UNC80: variants seen among roughly 807,000 people sequenced by gnomAD.
UNC80 encodes unc-80 subunit of NALCN channel complex, also known as protein unc-80 homolog.
UNC80 carries 164 observed loss-of-function variants against 384.6 expected under a neutral mutation model. The observed-to-expected ratio is 0.43, with a 90% CI of 0.38 to 0.49. The LOEUF (loss-of-function observed/expected upper bound fraction) is 0.49. UNC80 is among the 20% of genes least tolerant of loss of function. UNC80 has a pLI of 0.00. For missense variants in UNC80, 3,330 were observed against 4,143.0 expected, an observed-to-expected ratio of 0.80 and a Z score of 5.39; for synonymous variants, 1,486 against 1,527.8, an observed-to-expected ratio of 0.97 and a Z score of 0.64.
intron 22 of UNC80, among the ~76,000 whole-genome samples, chr2:209,854,202 T>C (rs1029033319): frequency 6.6e-6 from 1 of 151,618 alleles, no homozygotes; most frequent in African/African-American, 2.4e-5. Flanking sequence ...AAATATCTTA[T>C]GATTCTCGTT....
intron 15 of UNC80, 80 bp from the exon 16 acceptor site, chr2:209,831,363 G>T (rs1268959827): frequency 1.4e-6 from 2 of 1,392,000 alleles, no homozygotes; most frequent in African/African-American, 2.9e-5. Context: ...CTAATTCCTG[G>T]GTGCCAAGTA....
rs1349076349 is a variant in UNC80, at chr2:209,996,206, A to G, written c.*611A>G. ...TGGACTTTTAGATATTTATTTTTCA[A>G]CTATCATTTTCATTGCATGTTGTAA... On this transcript the variant is annotated 3_prime_UTR_variant, in exon 65 of 65. Coordinates refer to ENST00000673920, the MANE Select transcript of UNC80 (RefSeq NM_001371986.1). The G allele has an allele frequency of 1.3e-5, 2 of 152,282 alleles. No homozygotes were observed. The highest frequency in any genetic ancestry group is 2.4e-5 in the African/African-American group (1 of 41,458). 9.4% of individuals were successfully genotyped at this position (152,282 alleles called of 1,614,324 possible).
chr2:209,844,489 TTCCTTCCTTCCTTCC>T (rs1559186144), intron 21 of UNC80, among the ~76,000 whole-genome samples: 1,723 of 96,866 alleles, frequency 0.018, 105 homozygotes, highest in African/African-American at 0.067. Context: ...CCTTCCTTCC[TTCCTTCCTTCCTTCC>T]TTCCTTCCTT....
intron 4 of UNC80, among the ~76,000 whole-genome samples, chr2:209,780,917 C>G (rs2153824886): frequency 6.6e-6 from 1 of 152,310 alleles, no homozygotes; most frequent in South Asian, 2.1e-4. Context: ...TCTATCCCTA[C>G]CCAGAAATCT....
At chr2:209,944,469 T>C (rs1391055621) in intron 45 of UNC80, among the ~76,000 whole-genome samples, 2 of 152,184 alleles carry the variant, frequency 1.3e-5, no homozygotes, top group South Asian at 2.1e-4. Context: ...GTTTTAGTTA[T>C]TGTTGTATCG....
intron 7 of UNC80, among the ~76,000 whole-genome samples, chr2:209,799,369 C>G (rs1236754572): frequency 6.6e-6 from 1 of 152,132 alleles, no homozygotes; most frequent in Non-Finnish European, 1.5e-5. Context: ...ATTTGGCTCG[C>G]TGCTTACCTA....
intron 21 of UNC80, 61 bp downstream of exon 21, chr2:209,842,507 T>TC: frequency 1.7e-6 from 2 of 1,163,194 alleles, no homozygotes; most frequent in Non-Finnish European, 2.5e-6. Context: ...AAAAACTTGA[T>TC]TAGATTAAGT....
chr2:209,907,804 A>C (rs547383626), intron 29 of UNC80, among the ~76,000 whole-genome samples: 4 of 152,210 alleles, frequency 2.6e-5, no homozygotes, highest in Admixed American at 6.5e-5. Context: ...ATAGTAGAGC[A>C]GTTATTAATA....
intron 24 of UNC80, 29 bp downstream of exon 24, chr2:209,878,118 C>G (rs1440347894): frequency 6.7e-7 from 1 of 1,496,504 alleles, no homozygotes; most frequent in Non-Finnish European, 8.9e-7. Flanking sequence ...CTACAAGAAC[C>G]CCTGCTTGTA....
intron 22 of UNC80, among the ~76,000 whole-genome samples, chr2:209,867,898 T>G (rs984780471): frequency 6.6e-6 from 1 of 152,224 alleles, no homozygotes; most frequent in Admixed American, 6.5e-5. Context: ...CTAAATCAAA[T>G]GAATTCTTCA....
intron 40 of UNC80, 58 bp downstream of exon 40, chr2:209,935,866 G>A: frequency 2.0e-6 from 2 of 1,024,744 alleles, no homozygotes; most frequent in Non-Finnish European, 2.9e-6. Context: ...CCACCTCACT[G>A]AAGATCCATT....
intron 7 of UNC80, among the ~76,000 whole-genome samples, chr2:209,804,232 A>G (rs1166745807): frequency 6.6e-6 from 1 of 152,194 alleles, no homozygotes; most frequent in Non-Finnish European, 1.5e-5. Context: ...GGACATGTAT[A>G]ATCAAAGAGA....
In UNC80 at chr2:209,996,129, G is replaced by A. The variant is rs528793893; in HGVS notation, c.*534G>A. 2.0e-5 allele frequency: 3 copies of A among 152,912 alleles called. No individual in the cohort carries two copies. The South Asian group carries it at 6.2e-4, about 31-fold the overall frequency. The allele number at this position is 152,912 out of a possible 1,614,324, so 9.5% of individuals were successfully genotyped here. A position where few individuals can be genotyped will look rare whatever the true frequency, so the allele number is the denominator to read the frequency against. ...ACAAGCCTGCAGCCATTTTTGTTTTGAGTAACAATACAGCCATTTAGAAGA... is the reference window on the plus strand; with the variant it reads ...ACAAGCCTGCAGCCATTTTTGTTTTAAGTAACAATACAGCCATTTAGAAGA... On this transcript the variant is annotated 3_prime_UTR_variant, in exon 65 of 65. Coordinates refer to ENST00000673920, the MANE Select transcript of UNC80 (RefSeq NM_001371986.1).
chr2:209,871,345 A>G (rs1393919261), intron 22 of UNC80, among the ~76,000 whole-genome samples: 1 of 152,204 alleles, frequency 6.6e-6, no homozygotes, highest in Admixed American at 6.5e-5. Context: ...TTCATGCTAT[A>G]TGATAGTGAA....
At chr2:209,918,910 G>A (rs2089793837) in intron 33 of UNC80, among the ~76,000 whole-genome samples, 1 of 152,228 alleles carries the variant, frequency 6.6e-6, no homozygotes, top group Middle Eastern at 3.4e-3. Context: ...AAAAGCATTA[G>A]GCATTGATTT....
intron 7 of UNC80, among the ~76,000 whole-genome samples, chr2:209,807,795 A>G (rs1319335708): frequency 6.6e-6 from 1 of 152,254 alleles, no homozygotes; most frequent in African/African-American, 2.4e-5. Context: ...TGAAATAAAA[A>G]TATTTATTGA....
intron 48 of UNC80, among the ~76,000 whole-genome samples, chr2:209,955,856 G>A (rs2124997267): frequency 6.6e-6 from 1 of 150,940 alleles, no homozygotes; most frequent in Middle Eastern, 3.4e-3. Flanking sequence ...CAATTCTCAT[G>A]CCTCAGCCTC....
intron 46 of UNC80, 114 bp downstream of exon 46, chr2:209,945,303 T>A: frequency 9.0e-7 from 1 of 1,106,476 alleles, no homozygotes; most frequent in South Asian, 2.4e-5. Flanking sequence ...TATAACTAAA[T>A]CAAAGTAGCA....
At chr2:209,829,098 A>G in intron 14 of UNC80, 134 bp from the exon 15 acceptor site, 1 of 965,252 alleles carries the variant, frequency 1.0e-6, no homozygotes, top group Non-Finnish European at 1.5e-6. Flanking sequence ...AAGAGGGGCT[A>G]GCAGGGTTGC....
Sources: gnomAD v4.1 joint callset for allele counts (sites outside exome capture counted in the v4.1 genomes callset) on GRCh38, gnomAD v4.1.1 for gene constraint, MANE v1.5 for transcripts, NCBI Gene and HGNC (gene_info 2026-07-23, HGNC 2026-07-21) for gene names.